Variants in FMN2 observed in about 807,000 individuals in gnomAD.
FMN2 encodes the protein formin-2.
FMN2 carries 51 observed loss-of-function variants against 142.3 expected under a neutral mutation model. That is an observed-to-expected ratio of 0.36 (90% confidence interval 0.29 to 0.45). The LOEUF (loss-of-function observed/expected upper bound fraction) is 0.45. FMN2 is among the 20% of genes least tolerant of loss of function. The probability of loss-of-function intolerance (pLI) is 1.00; values close to 1 mark genes in which losing one functional copy is unlikely to be tolerated. For missense variants in FMN2, 1,936 were observed against 2,122.8 expected, an observed-to-expected ratio of 0.91 and a Z score of 1.73; for synonymous variants, 882 against 869.8, an observed-to-expected ratio of 1.01 and a Z score of -0.25.
chr1:240,269,151 A>G lies in FMN2; in HGVS notation c.4153+11119A>G, dbSNP rs370089536. On this transcript the variant is annotated intron_variant, in intron 7 of 17. Coordinates refer to ENST00000319653, the MANE Select transcript of FMN2 (RefSeq NM_020066.5). ...GACCAATGTCATGGAACCTTTCCTAACCCCTGTGTTTTCTTCGAGTAGTTT... is the reference window on the plus strand; with the variant it reads ...GACCAATGTCATGGAACCTTTCCTAGCCCCTGTGTTTTCTTCGAGTAGTTT... 1.1e-4 allele frequency among the ~76,000 whole-genome samples: 17 copies of G among 151,712 alleles called. No homozygotes were observed. The East Asian group carries it at 1.2e-3, about 10-fold the overall frequency.
At chr1:240,256,716 A>G (rs1405374990) in intron 6 of FMN2, among the ~76,000 whole-genome samples, 3 of 152,038 alleles carry the variant, frequency 2.0e-5, no homozygotes, top group Non-Finnish European at 2.9e-5. Context: ...GTGCCACTGC[A>G]CTCCTTCCTG....
At chr1:240,360,100 TA>T (rs1672410366) in intron 14 of FMN2, among the ~76,000 whole-genome samples, 1 of 152,236 alleles carries the variant, frequency 6.6e-6, no homozygotes, top group African/African-American at 2.4e-5. Context: ...GTTAAATTCA[TA>T]AACCCACTGA....
At chr1:240,302,126 TCTTTTATTCAACC>T (rs1370112307) in intron 8 of FMN2, among the ~76,000 whole-genome samples, 1 of 152,088 alleles carries the variant, frequency 6.6e-6, no homozygotes, top group African/African-American at 2.4e-5. Flanking sequence ...CTGTCTTTAT[TCTTTTATTCAACC>T]TCTCAAATGA....
At chr1:240,111,664 T>G (rs1452949337) in intron 1 of FMN2, among the ~76,000 whole-genome samples, 1 of 152,024 alleles carries the variant, frequency 6.6e-6, no homozygotes, top group Non-Finnish European at 1.5e-5. Flanking sequence ...ATCAGCAAGG[T>G]CTTTATGACC....
chr1:240,474,167 A>T lies in FMN2; in HGVS notation c.*13A>T, dbSNP rs1676899226. ...CATGAAAACTTGAACAATGAAAAGC[A>T]GAATGAAAATGAGTCATTGCAACGA... On this transcript the variant is annotated 3_prime_UTR_variant, in exon 18 of 18. Coordinates refer to ENST00000319653, the MANE Select transcript of FMN2 (RefSeq NM_020066.5). The T allele has an allele frequency of 6.5e-7, 1 of 1,547,744 alleles. No individual in the cohort carries two copies. The highest frequency in any genetic ancestry group is 1.3e-5 in the South Asian group (1 of 79,446).
At chr1:240,141,433 A>G (rs1230058344) in intron 2 of FMN2, among the ~76,000 whole-genome samples, 3 of 151,266 alleles carry the variant, frequency 2.0e-5, no homozygotes, top group Admixed American at 2.0e-4. Flanking sequence ...CTCACTGCAA[A>G]CTCCTCCCCC....
At chr1:240,270,607 C>T (rs1282583546) in intron 7 of FMN2, among the ~76,000 whole-genome samples, 1 of 152,004 alleles carries the variant, frequency 6.6e-6, no homozygotes, top group Admixed American at 6.6e-5. Flanking sequence ...TGTCCATCAA[C>T]AGATGATTGC....
At chr1:240,367,014 T>G (rs1672694829) in intron 14 of FMN2, among the ~76,000 whole-genome samples, 1 of 152,186 alleles carries the variant, frequency 6.6e-6, no homozygotes, top group African/African-American at 2.4e-5. Context: ...AAAGTGTTTT[T>G]AAAAATGATT....
At chr1:240,428,642 T>C (rs1675038957) in intron 15 of FMN2, among the ~76,000 whole-genome samples, 1 of 152,212 alleles carries the variant, frequency 6.6e-6, no homozygotes, top group Non-Finnish European at 1.5e-5. Flanking sequence ...GAGACCTGGA[T>C]TGAGCCATTT....
intron 8 of FMN2, among the ~76,000 whole-genome samples, chr1:240,311,578 T>TA (rs1670606981): frequency 6.6e-6 from 1 of 152,166 alleles, no homozygotes; most frequent in African/African-American, 2.4e-5. Flanking sequence ...TTGAATCACT[T>TA]ACAGATTGAC....
intron 14 of FMN2, among the ~76,000 whole-genome samples, chr1:240,385,603 G>A (rs543138932): frequency 2.0e-5 from 3 of 152,254 alleles, no homozygotes; most frequent in African/African-American, 7.2e-5. Flanking sequence ...ACTGTCTACT[G>A]TACTGTCTAG....
At position 240,121,399 on chromosome 1, in the gene FMN2, C is replaced by T. The variant is rs1344847514; in HGVS notation, c.1616-1780C>T. 6.9e-4 allele frequency among the ~76,000 whole-genome samples: 101 copies of T among 147,226 alleles called. 1 individual carries two copies. The highest frequency in any genetic ancestry group is 2.3e-3 in the African/African-American group (92 of 39,916). On this transcript the variant is annotated intron_variant, in intron 1 of 17. Transcript: ENST00000319653. ...TATTTTTATTTTTTTTTTTTTGAGACGGAGTCTTGCTCTGTCGCTAGGCTG... is the reference window on the plus strand; with the variant it reads ...TATTTTTATTTTTTTTTTTTTGAGATGGAGTCTTGCTCTGTCGCTAGGCTG...
chr1:240,417,963 T>C (rs533358353), intron 15 of FMN2, among the ~76,000 whole-genome samples: 11 of 152,228 alleles, frequency 7.2e-5, no homozygotes, highest in African/African-American at 2.6e-4. Context: ...CAATGTCCTT[T>C]TTTATTGTCA....
At chr1:240,405,727 AAT>A (rs1674129671) in intron 15 of FMN2, among the ~76,000 whole-genome samples, 1 of 152,248 alleles carries the variant, frequency 6.6e-6, no homozygotes, top group South Asian at 2.1e-4. Context: ...TCCAGAACTC[AAT>A]AGTTAAATAA....
chr1:240,299,895 T>C (rs1006875917), intron 8 of FMN2, among the ~76,000 whole-genome samples: 3 of 152,172 alleles, frequency 2.0e-5, no homozygotes, highest in African/African-American at 7.2e-5. Flanking sequence ...CAGTTGCTAA[T>C]AGACTGCATT....
At chr1:240,371,641 C>T (rs960280848) in intron 14 of FMN2, among the ~76,000 whole-genome samples, 2 of 152,186 alleles carry the variant, frequency 1.3e-5, no homozygotes, top group African/African-American at 4.8e-5. Context: ...ATCGTCATAA[C>T]ATATTAAATT....
intron 13 of FMN2, among the ~76,000 whole-genome samples, chr1:240,339,739 TACATACATGAATTATGCA>T (rs1671686850): frequency 6.6e-6 from 1 of 152,158 alleles, no homozygotes; most frequent in African/African-American, 2.4e-5. Flanking sequence ...TGCATGTGCA[TACATACATGAATTATGCA>T]ACTGGGATTA....
intron 15 of FMN2, among the ~76,000 whole-genome samples, chr1:240,430,166 G>C (rs921800463): frequency 6.6e-6 from 1 of 152,094 alleles, no homozygotes; most frequent in East Asian, 1.9e-4. Context: ...GATTACAGGC[G>C]TGAGCCACTG....
At chr1:240,425,298 T>C (rs975659841) in intron 15 of FMN2, among the ~76,000 whole-genome samples, 3 of 150,652 alleles carry the variant, frequency 2.0e-5, no homozygotes, top group Non-Finnish European at 4.4e-5. Context: ...CATCAAAACG[T>C]CATGCTCTGT....
Sources: allele counts gnomAD v4.1 joint callset (sites outside exome capture counted in the v4.1 genomes callset), GRCh38; gene constraint gnomAD v4.1.1; transcripts MANE v1.5; gene names NCBI Gene and HGNC (gene_info 2026-07-23, HGNC 2026-07-21).